N4BP2: variants seen among roughly 807,000 people sequenced by gnomAD.
N4BP2 encodes the protein NEDD4 binding protein 2, also known as NEDD4-binding protein 2.
In N4BP2, 91 loss-of-function variants were observed where a neutral mutation model predicts 152.8. The ratio of observed to expected loss-of-function variants is 0.60; its 90% CI spans 0.50 to 0.71. The LOEUF (loss-of-function observed/expected upper bound fraction) is 0.71, where lower values mean the gene tolerates loss of function less well. Among genes scored for constraint, N4BP2 ranks in the 30% least tolerant of loss-of-function variants. The probability of loss-of-function intolerance (pLI) is 0.00; values close to 1 mark genes in which losing one functional copy is unlikely to be tolerated. For synonymous variants in N4BP2, 646 were observed against 705.3 expected (o/e 0.92, Z 1.33); for missense variants, 1,923 against 2,059.1 (o/e 0.93, Z 1.28).
chr4:40,180,414 T>C, the N4BP2 span, among the ~76,000 whole-genome samples: 5 of 152,200 alleles, frequency 3.3e-5, no homozygotes, highest in Non-Finnish European at 7.3e-5. Context: ...TAACATCTGG[T>C]GTTGTGATAA....
chr4:40,131,920 G>A lies in N4BP2; in HGVS notation c.4646+1G>A. 1 of 1,531,910 alleles carries A rather than the reference G, an allele frequency of 6.5e-7. No homozygotes were observed. The highest frequency in any genetic ancestry group is 9.0e-7 in the Non-Finnish European group (1 of 1,105,378). 94.9% of individuals were successfully genotyped at this position (1,531,910 alleles called of 1,614,324 possible). A position where few individuals can be genotyped will look rare whatever the true frequency, so the allele number is the denominator to read the frequency against. ...TGGTGGACATTTTCAAGGACCACAA[G>A]TGAGTGCTAGAAGGATTGTCTGTAG... On this transcript the variant is annotated splice_donor_variant, in intron 13 of 17. Coordinates refer to ENST00000261435, the MANE Select transcript of N4BP2 (RefSeq NM_018177.6). LOFTEE classifies it high-confidence loss of function.
At chr4:40,129,027 A>G (rs971730467) in intron 12 of N4BP2, among the ~76,000 whole-genome samples, 1 of 151,718 alleles carries the variant, frequency 6.6e-6, no homozygotes, top group Non-Finnish European at 1.5e-5. Flanking sequence ...TTTTTTTGCT[A>G]TCAGTGATTT....
chr4:40,121,751 C>T lies in N4BP2; in HGVS notation c.3640C>T (p.His1214Tyr), dbSNP rs369443725. The T allele has an allele frequency of 3.1e-6, 5 of 1,613,800 alleles. No homozygotes were observed. Among genetic ancestry groups the T allele is most frequent in the Admixed American group, 1.7e-5 (1 of 59,942 alleles). ...AATGAGAGCTGTCACTCCTGAAAAC[C>T]ATGAATCGATGACAAGTATATTTCC... ...AEMRAVTPEN[H>Y]ESMTSIFPSA... The change falls in exon 9 of 18, where the codon CAT becomes TAT. Residue 1214 changes from histidine (H) to tyrosine (Y), a missense_variant. By Grantham distance (83) the His-to-Tyr change is moderately conservative (BLOSUM62 2). Transcript: ENST00000261435.
chr4:40,075,712 A>G (rs548034737), intron 2 of N4BP2, among the ~76,000 whole-genome samples: 1 of 152,210 alleles, frequency 6.6e-6, no homozygotes, highest in South Asian at 2.1e-4. Flanking sequence ...TCTTATTTCT[A>G]TATTCCACCA....
At chr4:40,106,689 T>C (rs1448474779) in intron 4 of N4BP2, among the ~76,000 whole-genome samples, 5 of 152,150 alleles carry the variant, frequency 3.3e-5, no homozygotes, top group Admixed American at 6.6e-5. Flanking sequence ...GCTGGGACTA[T>C]AGGCGCATGC....
chr4:40,131,284 G>C (rs1718881919), intron 12 of N4BP2, among the ~76,000 whole-genome samples: 1 of 152,258 alleles, frequency 6.6e-6, no homozygotes, highest in Non-Finnish European at 1.5e-5. Context: ...TTTCCCCTTT[G>C]CTTTGGCCAC....
intron 4 of N4BP2, among the ~76,000 whole-genome samples, chr4:40,104,232 G>T (rs1184223569): frequency 6.7e-6 from 1 of 150,016 alleles, no homozygotes; most frequent in Non-Finnish European, 1.5e-5. Flanking sequence ...GATTACAGGC[G>T]TGAGCCACCG....
intron 5 of N4BP2, among the ~76,000 whole-genome samples, chr4:40,109,034 C>T (rs1488855742): frequency 6.6e-6 from 1 of 152,028 alleles, no homozygotes; most frequent in Non-Finnish European, 1.5e-5. Flanking sequence ...CCAGGATGGT[C>T]TCGATCTCTT....
intron 7 of N4BP2, among the ~76,000 whole-genome samples, chr4:40,117,202 T>C (rs1175278779): frequency 3.3e-5 from 5 of 152,190 alleles, no homozygotes; most frequent in Non-Finnish European, 5.9e-5. Context: ...GGGACTTAGA[T>C]TAGATGTATA....
At chr4:40,107,094 T>G in intron 5 of N4BP2, 70 bp downstream of exon 5, 1 of 1,524,522 alleles carries the variant, frequency 6.6e-7, no homozygotes. Context: ...TTAGTATTTG[T>G]TTGTGTGTTT....
At chr4:40,154,066 A>T in intron 17 of N4BP2, 126 bp from the exon 18 acceptor site, 1 of 655,266 alleles carries the variant, frequency 1.5e-6, no homozygotes, top group East Asian at 3.0e-5. Context: ...TATTGACTTA[A>T]TAAGGGTCAA....
chr4:40,106,653 A>G (rs776686493), intron 4 of N4BP2, among the ~76,000 whole-genome samples: 1 of 152,010 alleles, frequency 6.6e-6, no homozygotes, highest in African/African-American at 2.4e-5. Flanking sequence ...GGTTCTAGCA[A>G]TTCTCATGCC....
chr4:40,152,183 T>C (rs937744014), intron 16 of N4BP2, among the ~76,000 whole-genome samples: 2 of 152,224 alleles, frequency 1.3e-5, no homozygotes, highest in Non-Finnish European at 2.9e-5. Context: ...CAGCTGTGAC[T>C]AGTGGATTTG....
At chr4:40,082,725 GA>G (rs1713514081) in intron 2 of N4BP2, among the ~76,000 whole-genome samples, 1 of 150,428 alleles carries the variant, frequency 6.6e-6, no homozygotes, top group Non-Finnish European at 1.5e-5. Flanking sequence ...TTTTGAGACA[GA>G]GTCTTGCTTT....
At chr4:40,074,440 C>T (rs1039538935) in intron 2 of N4BP2, among the ~76,000 whole-genome samples, 8 of 151,762 alleles carry the variant, frequency 5.3e-5, no homozygotes, top group African/African-American at 1.2e-4. Context: ...AACTCCTTGG[C>T]TCAAGTGATC....
rs1238099444 is a variant in N4BP2 at position 40,107,001 on chromosome 4, C to G, written c.1475C>G (p.Ala492Gly). 1 of 1,613,298 alleles carries G rather than the reference C, an allele frequency of 6.2e-7. No homozygotes were observed. Among genetic ancestry groups the G allele is most frequent in the African/African-American group, 1.3e-5 (1 of 74,882 alleles). ...TTTGATGTAAAGTACTTAGGAGAAG[C>G]ACATGAATGGAACCAGAATCGTGGT... ...YQFDVKYLGE[A>G]HEWNQNRAKE... is the part of the protein sequence containing the mutation. Residue 492 changes from alanine to glycine, a missense_variant, in exon 5 of 18, where the codon GCA becomes GGA. By Grantham distance (60) the Ala-to-Gly change is moderately conservative. Coordinates refer to ENST00000261435, the MANE Select transcript of N4BP2 (RefSeq NM_018177.6).
chr4:40,084,870 C>G (rs1713781026), intron 2 of N4BP2, among the ~76,000 whole-genome samples: 1 of 150,786 alleles, frequency 6.6e-6, no homozygotes, highest in East Asian at 1.9e-4. Flanking sequence ...CCACCTTGGC[C>G]TCCCAAAGTG....
chr4:40,088,662 G>A (rs1312746625), intron 2 of N4BP2, among the ~76,000 whole-genome samples: 1 of 151,994 alleles, frequency 6.6e-6, no homozygotes, highest in Non-Finnish European at 1.5e-5. Flanking sequence ...CACTACGCCT[G>A]GCTAATTTTG....
chr4:40,181,774 C>A, the N4BP2 span, among the ~76,000 whole-genome samples: 1 of 152,144 alleles, frequency 6.6e-6, no homozygotes, highest in East Asian at 1.9e-4. Context: ...ATGGTGAAAC[C>A]CCGTCTCTAC....
Sources: gnomAD v4.1 joint callset for allele counts (sites outside exome capture counted in the v4.1 genomes callset) on GRCh38, gnomAD v4.1.1 for gene constraint, MANE v1.5 for transcripts, NCBI Gene and HGNC (gene_info 2026-07-23, HGNC 2026-07-21) for gene names.